Variants in SYNE4 observed in about 807,000 individuals in gnomAD.
SYNE4 encodes spectrin repeat containing nuclear envelope family member 4.
A neutral mutation model predicts 46.9 loss-of-function variants in SYNE4; 41 were observed. The ratio of observed to expected loss-of-function variants is 0.87; its 90% confidence interval spans 0.68 to 1.13. SYNE4 has a LOEUF of 1.13. Ranked by LOEUF, SYNE4 falls within the 50% of genes most tolerant of loss-of-function variation. SYNE4 has a pLI of 0.00. For synonymous variants in SYNE4, 221 were observed against 219.5 expected, an observed-to-expected ratio of 1.01 and a Z score of -0.06; for missense variants, 492 against 514.8, an observed-to-expected ratio of 0.96 and a Z score of 0.43.
rs557081802 is a variant in SYNE4, at chr19:36,005,088, G to A, written c.972+245C>T. 5.9e-5 allele frequency among the ~76,000 whole-genome samples: 9 copies of A among 151,852 alleles called. No individual in the cohort carries two copies. In the South Asian group the frequency reaches 1.0e-3, roughly 18 times the overall value. On this transcript the variant is annotated intron_variant, in intron 6 of 7. Transcript: ENST00000324444. ...TCACCATTTTGGCCAGGCTGGTCTCGTACTCCTGACCTCAGGTAATCCACC... is the reference window on the plus strand; with the variant it reads ...TCACCATTTTGGCCAGGCTGGTCTCATACTCCTGACCTCAGGTAATCCACC...
rs1355661097 is a variant in SYNE4 at position 36,008,805 on chromosome 19, G to A, written c.-124C>T. 2 of 1,440,042 alleles carry A rather than the reference G, an allele frequency of 1.4e-6. No individual in the cohort carries two copies. Among genetic ancestry groups the A allele is most frequent in the Admixed American group, 5.6e-5 (2 of 35,626 alleles). The allele number at this position is 1,440,042 out of a possible 1,614,324, so 89.2% of individuals were successfully genotyped here. ...GCCTGAGGCTGCAGGAGAGGCCCAGGACAGGTCTGGCTCCGCCCCTTCCAA... is the reference window on the plus strand; with the variant it reads ...GCCTGAGGCTGCAGGAGAGGCCCAGAACAGGTCTGGCTCCGCCCCTTCCAA... On this transcript the variant is annotated 5_prime_UTR_variant, in exon 1 of 8. Coordinates refer to ENST00000324444, the MANE Select transcript of SYNE4 (RefSeq NM_001039876.3).
chr19:36,006,410 G>A lies in SYNE4; in HGVS notation c.867+13C>T, dbSNP rs1482258686. On this transcript the variant is annotated intron_variant, in intron 5 of 7. Coordinates refer to ENST00000324444, the MANE Select transcript of SYNE4 (RefSeq NM_001039876.3). ...TGCCTGGCAGAAGGTCCCTCAAGGG[G>A]GTCTGCTCTCACCTCAAGGCCTTGT... 5 of 1,597,200 alleles carry A rather than the reference G, an allele frequency of 3.1e-6. No individual in the cohort carries two copies. The highest frequency in any genetic ancestry group is 3.4e-6 in the Non-Finnish European group (4 of 1,171,366).
intron 5 of SYNE4, chr19:36,006,103 T>G: frequency 3.1e-6 from 1 of 327,788 alleles, no homozygotes; most frequent in Non-Finnish European, 5.5e-6. Context: ...AGTAAGAAGA[T>G]AGGAGTGCTC....
At position 36,008,744 on chromosome 19, in the gene SYNE4, A is replaced by G. The variant is rs1377939411; in HGVS notation, c.-63T>C. On this transcript the variant is annotated 5_prime_UTR_variant, in exon 1 of 8. Coordinates refer to ENST00000324444, the MANE Select transcript of SYNE4 (RefSeq NM_001039876.3). ...GCCAGTAAGACCTCTTCCCTAGACAAGGGTGTCCCAGAGCTCCTCCGCTGG... is the reference window on the plus strand; with the variant it reads ...GCCAGTAAGACCTCTTCCCTAGACAGGGGTGTCCCAGAGCTCCTCCGCTGG... The G allele has an allele frequency of 3.3e-6, 5 of 1,521,204 alleles. No individual in the cohort carries two copies. Among genetic ancestry groups the G allele is most frequent in the Non-Finnish European group, 4.4e-6 (5 of 1,134,426 alleles). 94.2% of individuals were successfully genotyped at this position (1,521,204 alleles called of 1,614,324 possible). A position where few individuals can be genotyped will look rare whatever the true frequency, so the allele number is the denominator to read the frequency against.
In SYNE4 at chr19:36,006,333, C is replaced by T. The variant is rs371253436; in HGVS notation, c.867+90G>A. On this transcript the variant is annotated intron_variant, in intron 5 of 7. Coordinates refer to ENST00000324444, the MANE Select transcript of SYNE4 (RefSeq NM_001039876.3). ...GAGGGGGAGACAGAGCCACTGACAC[C>T]TCCTTGGAAGGGCAGGATCTTGCTA... 679 of 1,476,754 alleles carry T rather than the reference C, an allele frequency of 4.6e-4. 13 individuals are homozygous for T. The South Asian group carries it at 8.9e-3, about 19-fold the overall frequency. 91.5% of individuals were successfully genotyped at this position (1,476,754 alleles called of 1,614,324 possible). A position where few individuals can be genotyped will look rare whatever the true frequency, so the allele number is the denominator to read the frequency against.
At position 36,008,714 on chromosome 19, in the gene SYNE4, G is replaced by A. The variant is rs1256066931; in HGVS notation, c.-33C>T. Reference sequence around the variant, plus strand: ...GGCCTGGGGACACAAAGTCAGGTGAGGGCAGCCAGTAAGACCTCTTCCCTA... The same window carrying A: ...GGCCTGGGGACACAAAGTCAGGTGAAGGCAGCCAGTAAGACCTCTTCCCTA... On this transcript the variant is annotated 5_prime_UTR_variant, in exon 1 of 8. Coordinates refer to ENST00000324444, the MANE Select transcript of SYNE4 (RefSeq NM_001039876.3). 11 of 1,586,628 alleles carry A rather than the reference G, an allele frequency of 6.9e-6. No individual in the cohort carries two copies. The African/African-American group carries it at 9.4e-5, about 14-fold the overall frequency.
chr19:36,003,699 A>C (rs1456918385), intron 6 of SYNE4, 28 bp from the exon 7 acceptor site: 1 of 1,603,740 alleles, frequency 6.2e-7, no homozygotes, highest in Non-Finnish European at 8.5e-7. Context: ...CCAGCAGCAG[A>C]ATGGATAGAA....
At chr19:36,005,101 C>T (rs963194698) in intron 6 of SYNE4, among the ~76,000 whole-genome samples, 9 of 152,016 alleles carry the variant, frequency 5.9e-5, no homozygotes, top group Non-Finnish European at 8.8e-5. Flanking sequence ...CTCCTGACCT[C>T]AGGTAATCCA....
At position 36,008,342 on chromosome 19, in the gene SYNE4, G is replaced by T. The variant is rs1344754822; in HGVS notation, c.154C>A (p.Gln52Lys). ...TSPEQAQTLG[Q>K]DSLGPPEHFQ... ...TGCTCAGGAGGGCCCAAGGAGTCCT[G>T]TCCCAGGGTCTGGGCCTGCTCTGGG... The change falls in exon 2 of 8, where the codon CAG becomes AAG. Residue 52 changes from glutamine (Q) to lysine (K), a missense_variant. Gln to Lys is a moderately conservative substitution (Grantham distance 53). Coordinates refer to ENST00000324444, the MANE Select transcript of SYNE4 (RefSeq NM_001039876.3). 1.3e-6 allele frequency: 2 copies of T among 1,563,524 alleles called. No homozygotes were observed. Among genetic ancestry groups the T allele is most frequent in the African/African-American group, 2.7e-5 (2 of 73,814 alleles).
Position 36,006,919 on chromosome 19 carries a change from G to A in SYNE4, c.449C>T (p.Ala150Val). 1 of 1,551,170 alleles carries A rather than the reference G, an allele frequency of 6.4e-7. No homozygotes were observed. Among genetic ancestry groups the A allele is most frequent in the African/African-American group, 1.4e-5 (1 of 73,314 alleles). Residue 150 changes from alanine to valine, a missense_variant, in exon 4 of 8, where the codon GCA (alanine) becomes GTA (valine). Physicochemically the swap from Ala to Val is moderately conservative, Grantham distance 64. Transcript: ENST00000324444. Reference protein sequence around the residue: ...LQALQVDLRGAAERVEALLAF... With the variant: ...LQALQVDLRGVAERVEALLAF... ...TAGCAGCGCCTCCACACGCTCAGCT[G>A]CCCCTCGTAGGTCCACCTGGAGGGC...
At chr19:36,007,468 G>A (rs1968401087) in intron 2 of SYNE4, 200 bp from the exon 3 acceptor site, 1 of 985,378 alleles carries the variant, frequency 1.0e-6, no homozygotes, top group South Asian at 4.7e-5. Flanking sequence ...CTAGTTCAAG[G>A]TCTCCAGGTT....
chr19:36,007,431 A>C, intron 2 of SYNE4, 163 bp from the exon 3 acceptor site: 2 of 985,302 alleles, frequency 2.0e-6, no homozygotes, highest in Non-Finnish European at 2.4e-6. Context: ...GGGCCTTCCC[A>C]GTGGAGCCAG....
In SYNE4 at chr19:36,008,551, C is replaced by CTCTCCGG; in HGVS notation, c.128+2_128+3insCCGGAGA. ...AACAAGCTTCCAAAGCCCCGGCCCC[C>CTCTCCGG]ACCTCGTGCTCTCCTCTCCGGACGC... On this transcript the variant is annotated splice_region_variant and intron_variant, in intron 1 of 7. Transcript: ENST00000324444. 1 of 1,613,642 alleles carries CTCTCCGG rather than the reference C, an allele frequency of 6.2e-7. No homozygotes were observed. Among genetic ancestry groups the CTCTCCGG allele is most frequent in the Non-Finnish European group, 8.5e-7 (1 of 1,179,930 alleles).
chr19:36,006,478 A>C lies in SYNE4; in HGVS notation c.812T>G (p.Val271Gly), dbSNP rs778349561. 1.2e-5 allele frequency: 20 copies of C among 1,612,336 alleles called. No individual in the cohort carries two copies. Among genetic ancestry groups the C allele is most frequent in the South Asian group, 3.3e-5 (3 of 90,794 alleles). ...LGQKTARTLG[V>G]PCELCGQRGP... ...CCTCTGGCCACACAGCTCACAGGGCACTCCTAGTGTCCGGGCTGTCTTTTG... is the reference window on the plus strand; with the variant it reads ...CCTCTGGCCACACAGCTCACAGGGCCCTCCTAGTGTCCGGGCTGTCTTTTG... The change falls in exon 5 of 8, where the codon GTG becomes GGG. Residue 271 changes from valine to glycine, a missense_variant. Transcript: ENST00000324444.
chr19:36,006,391 G>T (rs958712875), intron 5 of SYNE4, 32 bp downstream of exon 5: 4 of 1,562,994 alleles, frequency 2.6e-6, no homozygotes, highest in Non-Finnish European at 3.5e-6. Context: ...AGGGTGCCTG[G>T]CAGAAGGTCC....
chr19:36,006,052 A>C, intron 5 of SYNE4: 1 of 212,928 alleles, frequency 4.7e-6, no homozygotes, highest in Non-Finnish European at 9.2e-6. Flanking sequence ...AAATAAGTAA[A>C]TGTACAAAGT....
chr19:36,007,735 G>A (rs1481130185), intron 2 of SYNE4, among the ~76,000 whole-genome samples: 1 of 151,256 alleles, frequency 6.6e-6, no homozygotes, highest in African/African-American at 2.4e-5. Context: ...TAATAAAAAA[G>A]AAATATGGCT....
In SYNE4 at chr19:36,006,809, G is replaced by A. The variant is rs750797779; in HGVS notation, c.559C>T (p.Arg187Ter). The A allele has an allele frequency of 3.2e-5, 52 of 1,609,464 alleles. No homozygotes were observed. Among genetic ancestry groups the A allele is most frequent in the Non-Finnish European group, 4.0e-5 (47 of 1,178,538 alleles). Reference protein sequence around the residue: ...EQILRALGAYRDSIFRRLWQL... With the variant: ...EQILRALGAY The stretch of plus-strand genomic sequence containing the variant: ...CAGAGCCGCCGGAAGATGGAGTCTC[G>A]GTAAGCTCCCAGGGCCCGCAGGATC... Residue 187 changes from arginine (R) to a stop codon, truncating the protein, a stop_gained, in exon 4 of 8, where the codon CGA becomes TGA. Transcript: ENST00000324444. LOFTEE classifies it high-confidence loss of function.
chr19:36,006,276 G>A, intron 5 of SYNE4, 147 bp downstream of exon 5: 1 of 1,091,062 alleles, frequency 9.2e-7, no homozygotes, highest in Non-Finnish European at 1.3e-6. Context: ...GAGAAACAGT[G>A]AGATAGAAGG....
Sources: gnomAD v4.1 joint callset for allele counts (sites outside exome capture counted in the v4.1 genomes callset) on GRCh38, gnomAD v4.1.1 for gene constraint, MANE v1.5 for transcripts, NCBI Gene and HGNC (gene_info 2026-07-23, HGNC 2026-07-21) for gene names.